ADGB: variants seen among roughly 807,000 people sequenced by gnomAD.
ADGB encodes the protein androglobin, also known as calpain-7-like protein.
ADGB carries 172 observed loss-of-function variants against 210.5 expected under a neutral mutation model. The ratio of observed to expected loss-of-function variants is 0.82; its 90% CI spans 0.72 to 0.93. The LOEUF (loss-of-function observed/expected upper bound fraction) is 0.93, where lower values mean the gene tolerates loss of function less well. Among genes scored for constraint, ADGB ranks in the 40% least tolerant of loss-of-function variants. ADGB has a pLI of 0.00. For synonymous variants in ADGB, 658 were observed against 662.7 expected (o/e 0.99, Z 0.11); for missense variants, 2,025 against 1,964.8 (o/e 1.03, Z -0.58).
At chr6:146,804,770 A>G (rs1042181798) in intron 35 of ADGB, among the ~76,000 whole-genome samples, 1 of 152,178 alleles carries the variant, frequency 6.6e-6, no homozygotes, top group Non-Finnish European at 1.5e-5. Flanking sequence ...AATTGTACCA[A>G]TCACGACAAA....
chr6:146,705,705 G>A (rs1216778482), intron 13 of ADGB, among the ~76,000 whole-genome samples: 10 of 152,072 alleles, frequency 6.6e-5, no homozygotes, highest in Admixed American at 6.6e-4. Context: ...ATTTTTGCAT[G>A]TATGTTCATC....
intron 1 of ADGB, among the ~76,000 whole-genome samples, chr6:146,604,568 C>CAA (rs890765843): frequency 1.4e-5 from 2 of 138,194 alleles, no homozygotes; most frequent in African/African-American, 5.3e-5. Context: ...TTAAAAATGA[C>CAA]AAAAAAAAAA....
At chr6:146,673,096 G>A (rs571894404) in intron 8 of ADGB, among the ~76,000 whole-genome samples, 38 of 152,264 alleles carry the variant, frequency 2.5e-4, no homozygotes, top group Middle Eastern at 3.4e-3. Context: ...TCCTGACAGC[G>A]TGACAAAATG....
At chr6:146,639,806 G>A (rs1466507003) in intron 2 of ADGB, 2 of 151,882 alleles carry the variant, frequency 1.3e-5, no homozygotes, top group Non-Finnish European at 2.9e-5. Flanking sequence ...ACAAATTCGT[G>A]AAGAGGTCCG....
chr6:146,704,843 G>C (rs1562278936), intron 13 of ADGB, among the ~76,000 whole-genome samples: 1 of 151,830 alleles, frequency 6.6e-6, no homozygotes, highest in Non-Finnish European at 1.5e-5. Flanking sequence ...CATTGAATCT[G>C]TACATTGCTT....
At chr6:146,706,622 G>A (rs1776572816) in intron 13 of ADGB, among the ~76,000 whole-genome samples, 1 of 152,098 alleles carries the variant, frequency 6.6e-6, no homozygotes, top group East Asian at 1.9e-4. Context: ...TTCAGTCTTG[G>A]TAACTTGTAT....
chr6:146,719,039 C>G (rs891850800), intron 16 of ADGB, among the ~76,000 whole-genome samples: 1 of 152,126 alleles, frequency 6.6e-6, no homozygotes, highest in Non-Finnish European at 1.5e-5. Context: ...TAAACTATTG[C>G]TAGTGGTAAA....
chr6:146,625,075 T>A (rs1780953182), intron 1 of ADGB, among the ~76,000 whole-genome samples: 1 of 152,058 alleles, frequency 6.6e-6, no homozygotes. Flanking sequence ...GTTAATTAGG[T>A]CAATTTTGAT....
At chr6:146,803,488 T>G in intron 35 of ADGB, 3 of 1,605,392 alleles carry the variant, frequency 1.9e-6, no homozygotes, top group Non-Finnish European at 2.6e-6. Context: ...ATGATGAACT[T>G]TCTTTCTGCG....
chr6:146,608,732 G>A (rs933462946), intron 1 of ADGB, among the ~76,000 whole-genome samples: 1 of 152,086 alleles, frequency 6.6e-6, no homozygotes. Flanking sequence ...TGGTCCAAGA[G>A]TGATTGGTAT....
intron 33 of ADGB, among the ~76,000 whole-genome samples, chr6:146,790,881 A>G (rs1440406999): frequency 6.6e-6 from 1 of 152,136 alleles, no homozygotes; most frequent in Non-Finnish European, 1.5e-5. Flanking sequence ...TATAATAGCC[A>G]ATGTAACAGG....
intron 12 of ADGB, 94 bp from the exon 13 acceptor site, chr6:146,700,847 A>T: frequency 7.3e-7 from 1 of 1,371,278 alleles, no homozygotes; most frequent in South Asian, 1.5e-5. Context: ...ACACAATCAG[A>T]ACTTTCTATT....
At chr6:146,752,371 C>T (rs1479581964) in intron 26 of ADGB, among the ~76,000 whole-genome samples, 159 bp from the exon 27 acceptor site, 3 of 152,014 alleles carry the variant, frequency 2.0e-5, no homozygotes, top group Non-Finnish European at 2.9e-5. Flanking sequence ...AAACCTGTCC[C>T]CAAGATCCAA....
intron 1 of ADGB, among the ~76,000 whole-genome samples, chr6:146,624,318 A>G (rs1424698477): frequency 6.6e-6 from 1 of 151,878 alleles, no homozygotes; most frequent in African/African-American, 2.4e-5. Flanking sequence ...GTTAGTTTGC[A>G]TATTTCATGG....
intron 1 of ADGB, among the ~76,000 whole-genome samples, chr6:146,618,535 T>A (rs1420514650): frequency 6.6e-6 from 1 of 152,140 alleles, no homozygotes; most frequent in Non-Finnish European, 1.5e-5. Context: ...TTTTGTCATA[T>A]CCTGCAGTTC....
At position 146,686,440 on chromosome 6, in the gene ADGB, C is replaced by T. The variant is rs367624297; in HGVS notation, c.1311+612C>T. Among the ~76,000 whole-genome samples, 9 of 152,022 alleles carry T rather than the reference C, an allele frequency of 5.9e-5. No homozygotes were observed. In the East Asian group the frequency reaches 1.7e-3, roughly 29 times the overall value. On this transcript the variant is annotated intron_variant, in intron 10 of 35. Transcript: ENST00000397944. ...TGGCATATATACTCTGATTTTTCTT[C>T]TATATTCTGTGTTTGTATGTGTATA... is the stretch of plus-strand genomic sequence containing the variant.
intron 4 of ADGB, among the ~76,000 whole-genome samples, chr6:146,656,447 C>T (rs1775782081): frequency 6.6e-6 from 1 of 152,216 alleles, no homozygotes; most frequent in South Asian, 2.1e-4. Context: ...CTTTCTCTCT[C>T]TCACACACAA....
In ADGB at chr6:146,761,835, A is replaced by AT. The variant is rs551993693; in HGVS notation, c.3551-2064dup. Among the ~76,000 whole-genome samples the AT allele has an allele frequency of 1.8e-4, 28 of 152,186 alleles. No homozygotes were observed. In the East Asian group the frequency reaches 5.2e-3, roughly 28 times the overall value. Reference sequence around the variant, plus strand: ...GAAGGCAGAAGTCTGAAATCAACATATTGTCTAGGTCATACTGCCACTGAA... The same window carrying AT: ...GAAGGCAGAAGTCTGAAATCAACATATTTGTCTAGGTCATACTGCCACTGAA... On this transcript the variant is annotated intron_variant, in intron 27 of 35. Transcript: ENST00000397944.
At position 146,732,459 on chromosome 6, in the gene ADGB, T is replaced by C. The variant is rs891276923; in HGVS notation, c.2521-661T>C. On this transcript the variant is annotated intron_variant, in intron 20 of 35. Transcript: ENST00000397944. ...CCTGGATGAAAGAGAGCCCAGGTGG[T>C]TGGTTCACCATTTCATGCTACCAAG... Among the ~76,000 whole-genome samples, 6 of 152,078 alleles carry C rather than the reference T, an allele frequency of 3.9e-5. No individual in the cohort carries two copies. The East Asian group carries it at 1.2e-3, about 29-fold the overall frequency.
Sources: gnomAD v4.1 joint callset for allele counts (sites outside exome capture counted in the v4.1 genomes callset) on GRCh38, gnomAD v4.1.1 for gene constraint, MANE v1.5 for transcripts, NCBI Gene and HGNC (gene_info 2026-07-23, HGNC 2026-07-21) for gene names.